Variants in TMEM71 observed in about 807,000 individuals in gnomAD.
TMEM71 encodes transmembrane protein 71.
A neutral mutation model predicts 38.0 loss-of-function variants in TMEM71; 44 were observed. That is an observed-to-expected ratio of 1.16 (90% CI 0.91 to 1.49). The LOEUF is 1.49. Among genes scored for constraint, TMEM71 ranks in the 40% most tolerant of loss-of-function variants. The pLI, the probability that TMEM71 is intolerant of heterozygous loss-of-function variation, is 0.00. For missense variants in TMEM71, 367 were observed against 348.6 expected (o/e 1.05, Z -0.42); for synonymous variants, 133 against 122.5 (o/e 1.09, Z -0.56).
At chr8:132,733,311 G>T (rs1388548700) in intron 5 of TMEM71, among the ~76,000 whole-genome samples, 2 of 152,154 alleles carry the variant, frequency 1.3e-5, no homozygotes, top group Non-Finnish European at 2.9e-5. Flanking sequence ...TTCGGTAAGG[G>T]GTAGGAGGCT....
upstream of TMEM71, among the ~76,000 whole-genome samples, chr8:132,764,090 G>A (rs1383247238): frequency 6.6e-6 from 1 of 152,126 alleles, no homozygotes; most frequent in Non-Finnish European, 1.5e-5. Flanking sequence ...GGGAGAAATT[G>A]CGACTCCTCT....
chr8:132,745,162 A>G (rs1279390063), intron 5 of TMEM71, among the ~76,000 whole-genome samples: 1 of 152,190 alleles, frequency 6.6e-6, no homozygotes. Flanking sequence ...CAACAAAAAC[A>G]AAAATTGACA....
At chr8:132,747,625 A>T (rs184157219) in intron 4 of TMEM71, among the ~76,000 whole-genome samples, 47 of 152,240 alleles carry the variant, frequency 3.1e-4, no homozygotes, top group Admixed American at 1.5e-3. Flanking sequence ...TATATAGGGG[A>T]TAAGTGCTCT....
intron 9 of TMEM71, 142 bp downstream of exon 9, chr8:132,713,853 G>A (rs1826363443): frequency 1.4e-6 from 1 of 724,084 alleles, no homozygotes; most frequent in Non-Finnish European, 2.3e-6. Context: ...TTAAATTTTA[G>A]CAGTAACAGA....
At chr8:132,712,677 C>T (rs889866992) in intron 9 of TMEM71, among the ~76,000 whole-genome samples, 2 of 152,124 alleles carry the variant, frequency 1.3e-5, no homozygotes, top group African/African-American at 4.8e-5. Flanking sequence ...GTGTCTAACC[C>T]ATGGTAGACA....
At chr8:132,771,076 C>A in the TMEM71 span, among the ~76,000 whole-genome samples, 16 of 152,322 alleles carry the variant, frequency 1.1e-4, no homozygotes. Flanking sequence ...CAGAGACCAT[C>A]CTTTGTCCTA....
chr8:132,735,216 G>A (rs1455001229), intron 5 of TMEM71, among the ~76,000 whole-genome samples: 1 of 152,162 alleles, frequency 6.6e-6, no homozygotes, highest in African/African-American at 2.4e-5. Flanking sequence ...GCTCAAGAAT[G>A]AATTGCAACT....
chr8:132,751,966 A>T lies in TMEM71; in HGVS notation c.133T>A (p.Ser45Thr). 6.2e-7 allele frequency: 1 copy of T among 1,614,128 alleles called. No individual in the cohort carries two copies. Among genetic ancestry groups the T allele is most frequent in the South Asian group, 1.1e-5 (1 of 91,084 alleles). ...GGATCTATGGAGCCGCATTCAAAAG[A>T]ATGGTAACCATCCAGGGAATCACAG... ...FTCDSLDGYH[S>T]FECGSIDPLT... is the part of the protein sequence containing the mutation. Residue 45 changes from serine (S) to threonine (T), a missense_variant, in exon 4 of 10, where the codon TCT (serine) becomes ACT (threonine). Coordinates refer to ENST00000677595, the MANE Select transcript of TMEM71 (RefSeq NM_001382403.1).
At chr8:132,775,548 G>GGGCGGA in the TMEM71 span, 3,441 of 368,060 alleles carry the variant, frequency 9.3e-3, 40 homozygotes, top group South Asian at 0.014. Context: ...GCCGCTGCCT[G>GGGCGGA]GGCGGAGGCA....
chr8:132,775,397 C>CGGCGGCGGG, the TMEM71 span: 1 of 380,296 alleles, frequency 2.6e-6, no homozygotes, highest in Non-Finnish European at 4.6e-6. Flanking sequence ...CAGGGCTGGC[C>CGGCGGCGGG]GGCGGCGGAG....
chr8:132,754,409 T>G (rs974406191), intron 3 of TMEM71, among the ~76,000 whole-genome samples: 1 of 152,234 alleles, frequency 6.6e-6, no homozygotes, highest in Non-Finnish European at 1.5e-5. Flanking sequence ...AAGGTCAATA[T>G]GTAATTAAGA....
At chr8:132,775,704 A>C in the TMEM71 span, 4 of 316,080 alleles carry the variant, frequency 1.3e-5, no homozygotes, top group African/African-American at 8.9e-5. Context: ...GCCGCCCGGG[A>C]CGCCCCCATT....
intron 5 of TMEM71, among the ~76,000 whole-genome samples, chr8:132,736,415 A>T (rs2472222): frequency 6.6e-6 from 1 of 151,992 alleles, no homozygotes; most frequent in Admixed American, 6.5e-5. Context: ...GTGGGGTAGG[A>T]GATGGGGAGA....
chr8:132,723,069 A>G (rs1162738953), intron 6 of TMEM71, among the ~76,000 whole-genome samples: 1 of 152,236 alleles, frequency 6.6e-6, no homozygotes. Flanking sequence ...TTTGCTATTT[A>G]TGCCATGAAT....
the TMEM71 span, chr8:132,775,353 G>A: frequency 2.3e-5 from 8 of 355,152 alleles, no homozygotes; most frequent in Non-Finnish European, 3.0e-5. Context: ...GGCACGTCGC[G>A]GGCGGCTGAC....
chr8:132,772,949 G>A, the TMEM71 span, among the ~76,000 whole-genome samples: 4 of 152,134 alleles, frequency 2.6e-5, no homozygotes, highest in African/African-American at 4.8e-5. Flanking sequence ...TCTTGATAAT[G>A]TTCAGAAAAA....
At chr8:132,764,916 A>T (rs1829344535), upstream of TMEM71, among the ~76,000 whole-genome samples, 1 of 152,228 alleles carries the variant, frequency 6.6e-6, no homozygotes, top group African/African-American at 2.4e-5. Context: ...ATATGTGAAT[A>T]AGATTTTTTA....
chr8:132,753,425 A>G (rs1476089161), intron 3 of TMEM71, among the ~76,000 whole-genome samples: 1 of 152,180 alleles, frequency 6.6e-6, no homozygotes, highest in Admixed American at 6.5e-5. Context: ...AATTGCATAA[A>G]TTGGGACCAT....
At position 132,750,834 on chromosome 8, in the gene TMEM71, G is replaced by A. The variant is rs74973357; in HGVS notation, c.314+951C>T. ...ACCATACATCCAGTTGACAGAACCCGAGTCCTAAGATTCATGCAAGTGTTC... is the reference window on the plus strand; with the variant it reads ...ACCATACATCCAGTTGACAGAACCCAAGTCCTAAGATTCATGCAAGTGTTC... On this transcript the variant is annotated intron_variant, in intron 4 of 9. Transcript: ENST00000677595. 8.8e-3 allele frequency among the ~76,000 whole-genome samples: 1,345 copies of A among 152,192 alleles called. 40 individuals carry two copies. The highest frequency in any genetic ancestry group is 0.088 in the East Asian group (455 of 5,154).
Sources: gnomAD v4.1 joint callset for allele counts (sites outside exome capture counted in the v4.1 genomes callset) on GRCh38, gnomAD v4.1.1 for gene constraint, MANE v1.5 for transcripts, NCBI Gene and HGNC (gene_info 2026-07-23, HGNC 2026-07-21) for gene names.